RSF1: variants seen among roughly 807,000 people sequenced by gnomAD.
The protein encoded by RSF1 is remodeling and spacing factor 1, also known as HBV pX-associated protein 8.
A neutral mutation model predicts 145.2 loss-of-function variants in RSF1; 13 were observed. That is an observed-to-expected ratio of 0.09 (90% confidence interval 0.06 to 0.14). RSF1 has a LOEUF of 0.14. Among genes scored for constraint, RSF1 ranks in the 10% least tolerant of loss-of-function variants. RSF1 has a pLI of 1.00. For missense variants in RSF1, 1,517 were observed against 1,718.2 expected (o/e 0.88, Z 2.07); for synonymous variants, 577 against 592.6 (o/e 0.97, Z 0.38).
Position 77,732,650 on chromosome 11 carries a change from T to C in RSF1, c.579-6951A>G, listed in dbSNP as rs529328676. Reference sequence around the variant, plus strand: ...AGTGAATGAGTCTCACGAGATCTGATGGTTTTAAAAACAGGAGTTCCCTGC... The same window carrying C: ...AGTGAATGAGTCTCACGAGATCTGACGGTTTTAAAAACAGGAGTTCCCTGC... On this transcript the variant is annotated intron_variant, in intron 4 of 15. Transcript: ENST00000308488. Among the ~76,000 whole-genome samples, 193 of 152,286 alleles carry C rather than the reference T, an allele frequency of 1.3e-3. 1 individual carries two copies. Among genetic ancestry groups the C allele is most frequent in the African/African-American group, 4.5e-3 (186 of 41,570 alleles).
At chr11:77,869,851 AGG>A in the RSF1 span, 1 of 1,594,882 alleles carries the variant, frequency 6.3e-7, no homozygotes, top group Non-Finnish European at 8.6e-7. Flanking sequence ...TCCTGAGGAC[AGG>A]TGGGGATCTC....
the RSF1 span, among the ~76,000 whole-genome samples, chr11:77,846,789 G>C: frequency 6.6e-6 from 1 of 152,104 alleles, no homozygotes. Flanking sequence ...TGTCTGAAAA[G>C]GTCCTTGTTT....
chr11:77,829,154 G>A, the RSF1 span, among the ~76,000 whole-genome samples: 1 of 152,070 alleles, frequency 6.6e-6, no homozygotes, highest in South Asian at 2.1e-4. Flanking sequence ...TAATGTGATA[G>A]AACTGGTAAT....
chr11:77,781,156 A>G (rs1273312154), intron 1 of RSF1, among the ~76,000 whole-genome samples: 3 of 152,000 alleles, frequency 2.0e-5, no homozygotes, highest in Non-Finnish European at 4.4e-5. Context: ...GCTGGAGTGC[A>G]GTGGCTCGAT....
intron 1 of RSF1, among the ~76,000 whole-genome samples, chr11:77,789,236 ACT>A (rs1948492029): frequency 6.6e-6 from 1 of 152,118 alleles, no homozygotes; most frequent in Non-Finnish European, 1.5e-5. Context: ...GAGGGCCTCA[ACT>A]CTCACAGGTC....
At position 77,709,867 on chromosome 11, in the gene RSF1, G is replaced by C. The variant is rs73508743; in HGVS notation, c.734-7372C>G. On this transcript the variant is annotated intron_variant, in intron 5 of 15. Transcript: ENST00000308488. ...ACTATAAGCAAGAGTCATCACGCCA[G>C]GCTAATCCCAAAGTGCTGGGATTAC... is the stretch of plus-strand genomic sequence containing the variant. Among the ~76,000 whole-genome samples, 1,225 of 152,010 alleles carry C rather than the reference G, an allele frequency of 8.1e-3. 13 individuals carry two copies. Among genetic ancestry groups the C allele is most frequent in the African/African-American group, 0.026 (1,087 of 41,460 alleles).
chr11:77,872,112 G>A, the RSF1 span: 7 of 1,537,484 alleles, frequency 4.6e-6, no homozygotes, highest in Non-Finnish European at 5.3e-6. Context: ...CTGCCTCATG[G>A]CAGTAAAGGA....
chr11:77,865,072 C>T, the RSF1 span, among the ~76,000 whole-genome samples: 2 of 152,130 alleles, frequency 1.3e-5, no homozygotes, highest in African/African-American at 4.8e-5. Context: ...AGGTAAAGGC[C>T]CCTATAATAT....
At chr11:77,774,057 T>C (rs935720470) in intron 1 of RSF1, among the ~76,000 whole-genome samples, 2 of 152,206 alleles carry the variant, frequency 1.3e-5, no homozygotes, top group Non-Finnish European at 2.9e-5. Context: ...CCTAATTATC[T>C]TTAAGTCTCA....
intron 5 of RSF1, among the ~76,000 whole-genome samples, chr11:77,707,835 C>T (rs66924979): frequency 0.18 from 27,393 of 152,046 alleles, 3,117 homozygotes; most frequent in African/African-American, 0.31. Context: ...ATGTAGCATG[C>T]TAAGTGCAAA....
At chr11:77,794,433 C>T (rs61201484) in intron 1 of RSF1, among the ~76,000 whole-genome samples, 26,945 of 151,832 alleles carry the variant, frequency 0.18, 2,986 homozygotes, top group African/African-American at 0.3. Context: ...CTGTAATCCC[C>T]GCACTTTGCA....
At chr11:77,734,729 C>T (rs1961297623) in intron 4 of RSF1, 1 of 1,469,550 alleles carries the variant, frequency 6.8e-7, no homozygotes, top group Non-Finnish European at 9.4e-7. Context: ...CACTCCATCA[C>T]ATTCAGCCCG....
intron 11 of RSF1, among the ~76,000 whole-genome samples, chr11:77,682,649 C>T (rs1302173807): frequency 1.3e-5 from 2 of 152,288 alleles, no homozygotes; most frequent in East Asian, 3.9e-4. Flanking sequence ...CAGCACTATG[C>T]TAGGTATAGG....
At chr11:77,682,922 A>T (rs1348209397) in intron 11 of RSF1, among the ~76,000 whole-genome samples, 1 of 152,218 alleles carries the variant, frequency 6.6e-6, no homozygotes, top group East Asian at 1.9e-4. Flanking sequence ...AGAGAGTGTA[A>T]GGGAGAATGT....
At chr11:77,789,500 G>A (rs1948494457) in intron 1 of RSF1, among the ~76,000 whole-genome samples, 1 of 152,200 alleles carries the variant, frequency 6.6e-6, no homozygotes, top group Admixed American at 6.5e-5. Flanking sequence ...TGTCAGGGTT[G>A]AAGCATGAGC....
At chr11:77,799,281 G>C (rs995430183) in intron 1 of RSF1, among the ~76,000 whole-genome samples, 2 of 152,002 alleles carry the variant, frequency 1.3e-5, no homozygotes, top group African/African-American at 4.8e-5. Flanking sequence ...AATATGAGGC[G>C]GGAGGATCAC....
chr11:77,791,171 G>A (rs1051222399), intron 1 of RSF1, among the ~76,000 whole-genome samples: 1 of 152,190 alleles, frequency 6.6e-6, no homozygotes, highest in African/African-American at 2.4e-5. Context: ...TGAAATCTAG[G>A]TGGAGGTTCC....
chr11:77,737,307 G>A (rs1211177192), intron 4 of RSF1, among the ~76,000 whole-genome samples: 1 of 151,978 alleles, frequency 6.6e-6, no homozygotes, highest in African/African-American at 2.4e-5. Context: ...AATTATCCAG[G>A]TGTGGTGGTT....
intron 5 of RSF1, among the ~76,000 whole-genome samples, chr11:77,713,392 G>T (rs1960731758): frequency 6.6e-6 from 1 of 151,682 alleles, no homozygotes; most frequent in African/African-American, 2.4e-5. Context: ...CTGGAATAAA[G>T]CACTGATGTC....
Sources: gnomAD v4.1 joint callset for allele counts (sites outside exome capture counted in the v4.1 genomes callset) on GRCh38, gnomAD v4.1.1 for gene constraint, MANE v1.5 for transcripts, NCBI Gene and HGNC (gene_info 2026-07-23, HGNC 2026-07-21) for gene names.